Variants in FAAH2 observed in about 807,000 individuals in gnomAD.
FAAH2 encodes the protein fatty acid amide hydrolase 2.
A neutral mutation model predicts 36.9 loss-of-function variants in FAAH2; 60 were observed. That is an observed-to-expected ratio of 1.63 (90% CI 1.32 to 2.02). The LOEUF (loss-of-function observed/expected upper bound fraction) is 2.02, where lower values mean the gene tolerates loss of function less well. Among genes scored for constraint, FAAH2 ranks in the 30% most tolerant of loss-of-function variants. FAAH2 has a pLI of 0.00. For synonymous variants in FAAH2, 214 were observed against 143.8 expected (o/e 1.49, Z -3.49); for missense variants, 689 against 397.5 (o/e 1.73, Z -6.23).
At chrX:57,402,034 G>A (rs917556097) in intron 7 of FAAH2, among the ~76,000 whole-genome samples, 94 of 111,497 alleles carry the variant, frequency 8.4e-4, no homozygotes, top group Non-Finnish European at 1.6e-3. Context: ...GGACAGGAGA[G>A]TAAGACTGAG....
chrX:57,323,645 G>T (rs2053105594), intron 3 of FAAH2, among the ~76,000 whole-genome samples: 1 of 104,513 alleles, frequency 9.6e-6, no homozygotes, highest in African/African-American at 3.5e-5. Context: ...TTTGAGAAGT[G>T]TCTGTTCATA....
the FAAH2 span, among the ~76,000 whole-genome samples, chrX:57,273,408 G>T: frequency 2.2e-4 from 25 of 111,460 alleles, no homozygotes; most frequent in Non-Finnish European, 4.5e-4. Context: ...GGAGCAAGCC[G>T]ACCTAATAGA....
chrX:57,153,680 G>T, the FAAH2 span, among the ~76,000 whole-genome samples: 1 of 112,388 alleles, frequency 8.9e-6, no homozygotes, highest in African/African-American at 3.2e-5. Context: ...TAATGAGGCT[G>T]AAGATAGGGC....
intron 10 of FAAH2, among the ~76,000 whole-genome samples, chrX:57,452,675 G>T (rs2056806012): frequency 8.9e-6 from 1 of 111,797 alleles, no homozygotes; most frequent in Non-Finnish European, 1.9e-5. Context: ...ATATAAATAA[G>T]AATGAACATC....
chrX:57,447,915 G>A (rs2056712021), intron 9 of FAAH2, among the ~76,000 whole-genome samples: 1 of 112,350 alleles, frequency 8.9e-6, no homozygotes, highest in African/African-American at 3.2e-5. Flanking sequence ...AATTTCTGCA[G>A]CCGGCTTGAA....
At chrX:57,174,380 G>A in the FAAH2 span, among the ~76,000 whole-genome samples, 9 of 111,120 alleles carry the variant, frequency 8.1e-5, no homozygotes, top group African/African-American at 2.6e-4. Context: ...TGAGCATAGA[G>A]TTGTTCATGG....
chrX:57,438,162 C>T (rs1168605901), intron 8 of FAAH2, among the ~76,000 whole-genome samples: 1 of 104,813 alleles, frequency 9.5e-6, no homozygotes, highest in Non-Finnish European at 1.9e-5. Context: ...TATATATACA[C>T]ACATATACAC....
chrX:57,448,432 A>T, intron 9 of FAAH2, 92 bp from the exon 10 acceptor site: 2 of 822,462 alleles, frequency 2.4e-6, no homozygotes, highest in Non-Finnish European at 3.4e-6. Context: ...TTCTATAATG[A>T]ACATGTATTA....
At chrX:57,293,271 CTT>C (rs1261646633) in intron 2 of FAAH2, among the ~76,000 whole-genome samples, 1 of 111,514 alleles carries the variant, frequency 9.0e-6, no homozygotes, top group Non-Finnish European at 1.9e-5. Context: ...TAAAATGAAA[CTT>C]TATATCACTA....
chrX:57,253,900 C>T, the FAAH2 span, among the ~76,000 whole-genome samples: 4 of 111,780 alleles, frequency 3.6e-5, no homozygotes, highest in South Asian at 3.7e-4. Flanking sequence ...ATCATAATGA[C>T]AGGGTCAAAT....
the FAAH2 span, among the ~76,000 whole-genome samples, chrX:57,232,350 C>T: frequency 9.0e-6 from 1 of 111,616 alleles, no homozygotes; most frequent in Non-Finnish European, 1.9e-5. Flanking sequence ...AGGGCTGAGG[C>T]CCAGCCAAGT....
chrX:57,439,420 A>C (rs1190062609), intron 8 of FAAH2, among the ~76,000 whole-genome samples: 1 of 111,707 alleles, frequency 9.0e-6, no homozygotes, highest in Non-Finnish European at 1.9e-5. Context: ...GTGTCTGTTC[A>C]TATCCTTCGC....
At chrX:57,255,628 A>C in the FAAH2 span, among the ~76,000 whole-genome samples, 1 of 112,178 alleles carries the variant, frequency 8.9e-6, no homozygotes, top group Non-Finnish European at 1.9e-5. Flanking sequence ...AACATTTGCA[A>C]ATCAATGAAT....
At chrX:57,451,208 C>T (rs987310510) in intron 10 of FAAH2, among the ~76,000 whole-genome samples, 3 of 111,495 alleles carry the variant, frequency 2.7e-5, no homozygotes, top group Non-Finnish European at 3.8e-5. Flanking sequence ...AACAGGGTCT[C>T]TCAGCTATGA....
chrX:57,250,908 C>T, the FAAH2 span, among the ~76,000 whole-genome samples: 2 of 111,518 alleles, frequency 1.8e-5, no homozygotes, highest in South Asian at 7.4e-4. Flanking sequence ...TGATGGCTTC[C>T]CTGGTGAATT....
intron 3 of FAAH2, among the ~76,000 whole-genome samples, chrX:57,316,000 T>C (rs1346629411): frequency 1.8e-5 from 2 of 111,482 alleles, no homozygotes; most frequent in Admixed American, 9.6e-5. Flanking sequence ...GCTTAGAAAA[T>C]CCTAAAGACT....
At chrX:57,266,317 A>G in the FAAH2 span, among the ~76,000 whole-genome samples, 1 of 111,369 alleles carries the variant, frequency 9.0e-6, no homozygotes, top group African/African-American at 3.3e-5. Flanking sequence ...GCATTGGAAA[A>G]CCTGAGACAA....
intron 7 of FAAH2, among the ~76,000 whole-genome samples, chrX:57,396,944 C>T (rs996987022): frequency 9.0e-6 from 1 of 111,393 alleles, no homozygotes; most frequent in Non-Finnish European, 1.9e-5. Flanking sequence ...TTACGTTTCC[C>T]ACTATTTTTG....
intron 5 of FAAH2, among the ~76,000 whole-genome samples, chrX:57,360,940 C>T (rs1602402111): frequency 1.8e-5 from 2 of 111,522 alleles, no homozygotes; most frequent in South Asian, 3.8e-4. Context: ...GGTCTTCCAT[C>T]CCTGTGTTAG....
Sources: allele counts gnomAD v4.1 joint callset (sites outside exome capture counted in the v4.1 genomes callset), GRCh38; gene constraint gnomAD v4.1.1; transcripts MANE v1.5; gene names NCBI Gene and HGNC (gene_info 2026-07-23, HGNC 2026-07-21).